Variants in PHLPP1 observed in about 807,000 individuals in gnomAD.
PHLPP1 encodes PH domain and leucine rich repeat protein phosphatase 1, also known as PH domain leucine-rich repeat-containing protein phosphatase 1.
PHLPP1 carries 42 observed loss-of-function variants against 117.2 expected under a neutral mutation model. That is an observed-to-expected ratio of 0.36 (90% CI 0.28 to 0.46). PHLPP1 has a LOEUF of 0.46. Ranked by LOEUF, PHLPP1 falls within the 20% of genes least tolerant of loss-of-function variation. PHLPP1 has a pLI of 1.00. For missense variants in PHLPP1, 2,084 were observed against 2,241.9 expected (o/e 0.93, Z 1.42); for synonymous variants, 1,042 against 970.7 (o/e 1.07, Z -1.37).
chr18:62,902,798 G>T (rs756460279), intron 6 of PHLPP1, among the ~76,000 whole-genome samples, 166 bp from the exon 7 acceptor site: 15 of 152,176 alleles, frequency 9.9e-5, no homozygotes, highest in Non-Finnish European at 1.9e-4. Context: ...GCTAAAAATA[G>T]ATACTCTGGC....
chr18:62,817,851 CTTTTT>C (rs71340119), intron 1 of PHLPP1, among the ~76,000 whole-genome samples: 1 of 85,966 alleles, frequency 1.2e-5, no homozygotes, highest in Non-Finnish European at 2.2e-5. Flanking sequence ...TGGCAACAGA[CTTTTT>C]TTTTTTTTTT....
intron 1 of PHLPP1, among the ~76,000 whole-genome samples, chr18:62,772,109 C>T (rs561057793): frequency 1.1e-4 from 17 of 152,312 alleles, no homozygotes; most frequent in African/African-American, 3.8e-4. Flanking sequence ...TTTGTCACTT[C>T]TCTTTGCCAT....
intron 1 of PHLPP1, among the ~76,000 whole-genome samples, chr18:62,794,049 C>T (rs1418986798): frequency 6.6e-6 from 1 of 152,082 alleles, no homozygotes; most frequent in East Asian, 1.9e-4. Context: ...AGAAATTAAA[C>T]CAGCATTTTT....
chr18:62,734,250 A>T (rs963398492), intron 1 of PHLPP1, among the ~76,000 whole-genome samples: 1 of 152,150 alleles, frequency 6.6e-6, no homozygotes, highest in Non-Finnish European at 1.5e-5. Flanking sequence ...TTCATGTAAA[A>T]ATTGGAAGAT....
At chr18:62,804,485 G>C (rs1177750400) in intron 1 of PHLPP1, among the ~76,000 whole-genome samples, 1 of 152,128 alleles carries the variant, frequency 6.6e-6, no homozygotes, top group Non-Finnish European at 1.5e-5. Context: ...GGGAGGCCAA[G>C]GTGGGAGGAT....
At chr18:62,737,178 A>C (rs1454566357) in intron 1 of PHLPP1, among the ~76,000 whole-genome samples, 1 of 151,746 alleles carries the variant, frequency 6.6e-6, no homozygotes, top group Admixed American at 6.6e-5. Flanking sequence ...AGATTCTCTG[A>C]GAAAATGAGA....
At chr18:62,865,971 A>G (rs1475630035) in intron 4 of PHLPP1, among the ~76,000 whole-genome samples, 1 of 152,164 alleles carries the variant, frequency 6.6e-6, no homozygotes, top group African/African-American at 2.4e-5. Flanking sequence ...TATGTGCAAC[A>G]AACCCTCATG....
At chr18:62,914,286 C>T (rs980763064) in intron 8 of PHLPP1, among the ~76,000 whole-genome samples, 7 of 152,118 alleles carry the variant, frequency 4.6e-5, no homozygotes, top group Admixed American at 2.6e-4. Flanking sequence ...CCATTGACTT[C>T]GTGTGTTTTT....
chr18:62,767,835 T>C (rs1339441131), intron 1 of PHLPP1, among the ~76,000 whole-genome samples: 1 of 152,188 alleles, frequency 6.6e-6, no homozygotes, highest in Non-Finnish European at 1.5e-5. Flanking sequence ...TAGAGTACAA[T>C]AGCAGAAAAC....
chr18:62,744,612 T>C (rs1323053186), intron 1 of PHLPP1, among the ~76,000 whole-genome samples: 1 of 152,186 alleles, frequency 6.6e-6, no homozygotes, highest in East Asian at 1.9e-4. Context: ...TCAATTCTTA[T>C]TGAATGAGTA....
At chr18:62,920,948 T>G (rs1225917028) in intron 10 of PHLPP1, among the ~76,000 whole-genome samples, 1 of 152,254 alleles carries the variant, frequency 6.6e-6, no homozygotes, top group Non-Finnish European at 1.5e-5. Flanking sequence ...AAACAAAATT[T>G]TCCTAAATTA....
At chr18:62,875,856 C>T (rs1006855557) in intron 4 of PHLPP1, among the ~76,000 whole-genome samples, 4 of 152,042 alleles carry the variant, frequency 2.6e-5, no homozygotes, top group African/African-American at 9.7e-5. Context: ...CCTCAGCCTC[C>T]TGAGTAGCTG....
intron 15 of PHLPP1, among the ~76,000 whole-genome samples, chr18:62,974,904 G>A (rs992592047): frequency 3.3e-5 from 5 of 152,196 alleles, no homozygotes; most frequent in Non-Finnish European, 5.9e-5. Flanking sequence ...CTTATAAGGG[G>A]GAGAGGGTTG....
At position 62,730,443 on chromosome 18, in the gene PHLPP1, A is replaced by G. The variant is rs545584095; in HGVS notation, c.1576+13184A>G. Among the ~76,000 whole-genome samples, 5 of 152,278 alleles carry G rather than the reference A, an allele frequency of 3.3e-5. No homozygotes were observed. The South Asian group carries it at 6.2e-4, about 19-fold the overall frequency. On this transcript the variant is annotated intron_variant, in intron 1 of 16. Transcript: ENST00000262719. ...TTCTCTGGTCTTTGTGCTTCTTTAC[A>G]TGATGTGAGACCTATAGTAAACCCC... is the stretch of plus-strand genomic sequence containing the variant.
chr18:62,970,227 T>C (rs1331462728), intron 14 of PHLPP1, among the ~76,000 whole-genome samples: 1 of 152,238 alleles, frequency 6.6e-6, no homozygotes, highest in Non-Finnish European at 1.5e-5. Context: ...TGCAAATATG[T>C]ACTTCTCCTT....
chr18:62,939,569 T>C (rs1281783632), intron 10 of PHLPP1, among the ~76,000 whole-genome samples: 1 of 152,104 alleles, frequency 6.6e-6, no homozygotes, highest in Non-Finnish European at 1.5e-5. Context: ...CTTTATTTCC[T>C]TCTCTGTAGC....
chr18:62,952,393 G>A lies in PHLPP1; in HGVS notation c.3325-6236G>A, dbSNP rs114956383. On this transcript the variant is annotated intron_variant, in intron 12 of 16. Transcript: ENST00000262719. Reference sequence around the variant, plus strand: ...AATTCTGTATTTGAACAAACAGAATGCTAAGGATTGTTACCCTGCTTGTCA... The same window carrying A: ...AATTCTGTATTTGAACAAACAGAATACTAAGGATTGTTACCCTGCTTGTCA... Among the ~76,000 whole-genome samples, 746 of 152,270 alleles carry A rather than the reference G, an allele frequency of 4.9e-3. 4 individuals are homozygous for A. The highest frequency in any genetic ancestry group is 0.017 in the African/African-American group (712 of 41,562).
intron 1 of PHLPP1, among the ~76,000 whole-genome samples, chr18:62,757,775 T>G (rs1261604523): frequency 1.3e-5 from 2 of 152,204 alleles, no homozygotes; most frequent in African/African-American, 4.8e-5. Flanking sequence ...GTTTTCCAGT[T>G]TTGCAGCTCT....
At chr18:62,958,818 T>G (rs888343375) in intron 13 of PHLPP1, 59 bp downstream of exon 13, 28 of 1,586,510 alleles carry the variant, frequency 1.8e-5, no homozygotes, top group Non-Finnish European at 2.3e-5. Flanking sequence ...GGGATTCATA[T>G]CTTAGTGAAA....
Sources: allele counts gnomAD v4.1 joint callset (sites outside exome capture counted in the v4.1 genomes callset), GRCh38; gene constraint gnomAD v4.1.1; transcripts MANE v1.5; gene names NCBI Gene and HGNC (gene_info 2026-07-23, HGNC 2026-07-21).